CNGA2: variants seen among roughly 807,000 people sequenced by gnomAD.
CNGA2 encodes the protein cyclic nucleotide-gated channel alpha-2.
Under a neutral mutation model 35.9 loss-of-function variants are expected in CNGA2, and 22 were observed. The observed-to-expected ratio is 0.61, with a 90% CI of 0.44 to 0.88. CNGA2 has a LOEUF of 0.88. CNGA2 is among the 40% of genes least tolerant of loss of function. CNGA2 has a pLI of 0.00. For synonymous variants in CNGA2, 217 were observed against 209.2 expected, an observed-to-expected ratio of 1.04 and a Z score of -0.32; for missense variants, 555 against 530.8, an observed-to-expected ratio of 1.05 and a Z score of -0.45.
chrX:151,744,421 A>T lies in CNGA2; in HGVS notation c.1918A>T (p.Met640Leu), dbSNP rs1157021922. The change falls in exon 7 of 7, where the codon ATG becomes TTG. Residue 640 changes from methionine (M) to leucine (L), a missense_variant. Met to Leu is a conservative substitution (Grantham distance 15). Transcript: ENST00000329903. ...GCGCATCACAGTTCTGGAAACCAAG[A>T]TGAAACAGAACAATGAAGATGACTA... ...KQRITVLETKMKQNNEDDYLS... is the reference protein window; with the variant it reads ...KQRITVLETKLKQNNEDDYLS... 1.1e-5 allele frequency: 13 copies of T among 1,208,276 alleles called. No homozygotes were observed. In the East Asian group the frequency reaches 3.0e-4, roughly 28 times the overall value.
chrX:151,745,015 G>A lies in CNGA2; in HGVS notation c.*517G>A, dbSNP rs1380030058. 8.8e-6 allele frequency: 1 copy of A among 113,926 alleles called. No individual in the cohort carries two copies. Among genetic ancestry groups the A allele is most frequent in the African/African-American group, 3.2e-5 (1 of 30,843 alleles). The allele number at this position is 113,926 out of a possible 1,213,427, so 9.4% of individuals were successfully genotyped here. ...TATTCCTCCCCCATCAGATGCTCCAGCTCCTGCTCTGTAGATTGATCTGTC... is the reference window on the plus strand; with the variant it reads ...TATTCCTCCCCCATCAGATGCTCCAACTCCTGCTCTGTAGATTGATCTGTC... On this transcript the variant is annotated 3_prime_UTR_variant, in exon 7 of 7. Coordinates refer to ENST00000329903, the MANE Select transcript of CNGA2 (RefSeq NM_005140.3).
chrX:151,738,406 C>T, intron 1 of CNGA2, 52 bp from the exon 2 acceptor site: 2 of 849,486 alleles, frequency 2.4e-6, no homozygotes, highest in Non-Finnish European at 3.5e-6. Context: ...CTCCCACTCT[C>T]TGTGGGTGTC....
chrX:151,743,499 A>G lies in CNGA2; in HGVS notation c.996A>G (p.Thr332=). The change falls in exon 7 of 7, where the codon ACA becomes ACG. Residue 332 remains threonine, a synonymous_variant. Transcript: ENST00000329903. Reference sequence around the variant, plus strand: ...ACATCTATTGCCTTTACTGGTCCACACTGACTCTCACTACCATTGGGGAGA... The same window carrying G: ...ACATCTATTGCCTTTACTGGTCCACGCTGACTCTCACTACCATTGGGGAGA... The part of the protein sequence containing the change: ...REYIYCLYWS[T]LTLTTIGETP... 4 of 1,210,877 alleles carry G rather than the reference A, an allele frequency of 3.3e-6. No homozygotes were observed. Among genetic ancestry groups the G allele is most frequent in the Non-Finnish European group, 4.5e-6 (4 of 895,373 alleles).
chrX:151,744,660 C>A lies in CNGA2; in HGVS notation c.*162C>A. 2.1e-6 allele frequency: 1 copy of A among 466,466 alleles called. No individual in the cohort carries two copies. Among genetic ancestry groups the A allele is most frequent in the Non-Finnish European group, 3.5e-6 (1 of 287,677 alleles). The allele number at this position is 466,466 out of a possible 1,213,427, so 38.4% of individuals were successfully genotyped here. On this transcript the variant is annotated 3_prime_UTR_variant, in exon 7 of 7. Transcript: ENST00000329903. ...GTTTTTGGCCTAAACATCCAAGATT[C>A]CGCCTCCAAGTTTAGCCCAAGTTTG...
chrX:151,740,919 C>G lies in CNGA2; in HGVS notation c.482+18C>G, dbSNP rs372289003. On this transcript the variant is annotated intron_variant, in intron 5 of 6. Transcript: ENST00000329903. The stretch of plus-strand genomic sequence containing the variant: ...GTGGCCAGGTGAGCAGGGTGGGGCC[C>G]AGGAGGGGTGGCCAAAGCAACCCAG... The G allele has an allele frequency of 3.4e-6, 4 of 1,171,212 alleles. No homozygotes were observed. The African/African-American group carries it at 7.1e-5, about 21-fold the overall frequency.
In CNGA2 at chrX:151,743,456, G is replaced by A. The variant is rs148951437; in HGVS notation, c.953G>A (p.Gly318Asp). ...CCAAACATCACTGACCCTGAGTATG[G>A]CTACCTGGCTAGGGAATACATCTAT... ...VYPNITDPEY[G>D]YLAREYIYCL... is the part of the protein sequence containing the mutation. Residue 318 changes from glycine (G) to aspartate (D), a missense_variant, in exon 7 of 7, where the codon GGC becomes GAC. Gly to Asp is a moderately conservative substitution (Grantham distance 94, BLOSUM62 -1). Transcript: ENST00000329903. 2.0e-4 allele frequency: 236 copies of A among 1,208,078 alleles called. 1 individual carries two copies. In the African/African-American group the frequency reaches 3.9e-3, roughly 20 times the overall value.
intron 3 of CNGA2, among the ~76,000 whole-genome samples, chrX:151,739,151 A>G (rs1367927835): frequency 2.7e-5 from 3 of 112,743 alleles, no homozygotes; most frequent in African/African-American, 9.7e-5. Context: ...AGACCTAGGT[A>G]GAGGACCCAA....
intron 1 of CNGA2, 46 bp from the exon 2 acceptor site, chrX:151,738,412 G>A (rs1403594072): frequency 4.5e-6 from 4 of 883,164 alleles, no homozygotes; most frequent in Non-Finnish European, 6.6e-6. Flanking sequence ...CTCTCTGTGG[G>A]TGTCAGGGTC....
chrX:151,739,469 C>G, intron 3 of CNGA2, 93 bp from the exon 4 acceptor site: 1 of 945,953 alleles, frequency 1.1e-6, no homozygotes, highest in Non-Finnish European at 1.4e-6. Context: ...CTTCTTTCAT[C>G]TTCCTTAGCA....
In CNGA2 at chrX:151,743,571, C is replaced by A. The variant is rs986491961; in HGVS notation, c.1068C>A (p.Asp356Glu). Residue 356 changes from aspartate (D) to glutamate (E), a missense_variant, in exon 7 of 7, where the codon GAC becomes GAA. Coordinates refer to ENST00000329903, the MANE Select transcript of CNGA2 (RefSeq NM_005140.3). ...KDEEYLFVIF[D>E]FLIGVLIFAT... ...AGGAGTACCTATTTGTCATCTTTGA[C>A]TTCCTGATTGGCGTCCTCATCTTTG... The A allele has an allele frequency of 8.3e-7, 1 of 1,209,425 alleles. No individual in the cohort carries two copies. The highest frequency in any genetic ancestry group is 2.2e-5 in the Admixed American group (1 of 45,625).
intron 5 of CNGA2, 49 bp from the exon 6 acceptor site, chrX:151,742,487 G>A (rs2015314235): frequency 9.7e-7 from 1 of 1,031,153 alleles, no homozygotes; most frequent in Non-Finnish European, 1.4e-6. Flanking sequence ...GGCCTCCAAG[G>A]GACCTTTGGC....
rs1312979099 is a variant in CNGA2, at chrX:151,743,991, G to A, written c.1488G>A (p.Glu496=). Reference sequence around the variant, plus strand: ...GCAAGGAGATGTACATCATTAAGGAGGGCAAACTGGCAGTGGTGGCTGATG... The same window carrying A: ...GCAAGGAGATGTACATCATTAAGGAAGGCAAACTGGCAGTGGTGGCTGATG... ...DIGKEMYIIK[E]GKLAVVADDG... Residue 496 remains glutamate (E), a synonymous_variant, in exon 7 of 7, where the codon GAG becomes GAA. Coordinates refer to ENST00000329903, the MANE Select transcript of CNGA2 (RefSeq NM_005140.3). 2 of 1,209,549 alleles carry A rather than the reference G, an allele frequency of 1.7e-6. No homozygotes were observed. The highest frequency in any genetic ancestry group is 2.2e-6 in the Non-Finnish European group (2 of 895,219).
chrX:151,744,344 G>A lies in CNGA2; in HGVS notation c.1841G>A (p.Arg614His), dbSNP rs765240604. 36 of 1,208,912 alleles carry A rather than the reference G, an allele frequency of 3.0e-5. No homozygotes were observed. In the Admixed American group the frequency reaches 5.9e-4, roughly 20 times the overall value. ...ACCAACATGGAAACCTTGTACACTC[G>A]CTTTGGCCGCCTGCTGGCTGAGTAC... Reference protein sequence around the residue: ...LETNMETLYTRFGRLLAEYTG... With the variant: ...LETNMETLYTHFGRLLAEYTG... The change falls in exon 7 of 7, where the codon CGC becomes CAC. Residue 614 changes from arginine to histidine, a missense_variant. Coordinates refer to ENST00000329903, the MANE Select transcript of CNGA2 (RefSeq NM_005140.3).
At chrX:151,740,691 G>A (rs376886509) in intron 4 of CNGA2, 103 bp from the exon 5 acceptor site, 55 of 627,308 alleles carry the variant, frequency 8.8e-5, no homozygotes, top group East Asian at 6.5e-4. Flanking sequence ...TATACCCTTC[G>A]GCAGTGCTTT....
chrX:151,737,462 G>A (rs2015259093), intron 1 of CNGA2, among the ~76,000 whole-genome samples: 1 of 111,401 alleles, frequency 9.0e-6, no homozygotes, highest in Non-Finnish European at 1.9e-5. Context: ...CTTTCTTTGT[G>A]ATCCCACCCA....
intron 5 of CNGA2, among the ~76,000 whole-genome samples, chrX:151,741,941 T>C (rs1289921175): frequency 1.8e-5 from 2 of 111,956 alleles, no homozygotes; most frequent in Non-Finnish European, 3.8e-5. Context: ...CACTGGACAA[T>C]CATCCTGGGC....
rs1401727105 is a variant in CNGA2 at position 151,744,597 on chromosome X, T to C, written c.*99T>C. 1.3e-6 allele frequency: 1 copy of C among 745,822 alleles called. No individual in the cohort carries two copies. Among genetic ancestry groups the C allele is most frequent in the Non-Finnish European group, 1.9e-6 (1 of 523,434 alleles). 61.5% of individuals were successfully genotyped at this position (745,822 alleles called of 1,213,427 possible). On this transcript the variant is annotated 3_prime_UTR_variant, in exon 7 of 7. Coordinates refer to ENST00000329903, the MANE Select transcript of CNGA2 (RefSeq NM_005140.3). ...TCCGGATTTACATGCATTACCCTCA[T>C]GTTCCCTGAATTCTCCCAAAAGCCT... is the stretch of plus-strand genomic sequence containing the variant.
rs1247758880 is a variant in CNGA2, at chrX:151,734,921, C to T, written c.-49C>T. The stretch of plus-strand genomic sequence containing the variant: ...CAGACACTTCTTTCTAAACTCAGCA[C>T]CCAGCAAAGGACCTGGCACATAGTA... On this transcript the variant is annotated 5_prime_UTR_variant, in exon 1 of 7. Transcript: ENST00000329903. 1.8e-5 allele frequency among the ~76,000 whole-genome samples: 2 copies of T among 111,709 alleles called. No homozygotes were observed. Among genetic ancestry groups the T allele is most frequent in the Non-Finnish European group, 3.8e-5 (2 of 53,131 alleles).
chrX:151,739,261 T>C (rs5925020), intron 3 of CNGA2, among the ~76,000 whole-genome samples: 1 of 111,180 alleles, frequency 9.0e-6, no homozygotes, highest in Admixed American at 9.5e-5. Context: ...CCTCCAACTT[T>C]CCCTGAAGAC....
Sources: allele counts gnomAD v4.1 joint callset (sites outside exome capture counted in the v4.1 genomes callset), GRCh38; gene constraint gnomAD v4.1.1; transcripts MANE v1.5; gene names NCBI Gene and HGNC (gene_info 2026-07-23, HGNC 2026-07-21).